Variants in MTBP observed in about 807,000 individuals in gnomAD.
The protein encoded by MTBP is MDM2 binding protein.
MTBP carries 101 observed loss-of-function variants against 117.0 expected under a neutral mutation model. That is an observed-to-expected ratio of 0.86 (90% confidence interval 0.73 to 1.02). MTBP has a LOEUF of 1.02. MTBP is among the 50% of genes least tolerant of loss of function. MTBP has a pLI of 0.00. For synonymous variants in MTBP, 350 were observed against 351.5 expected (o/e 1.00, Z 0.05); for missense variants, 970 against 1,030.9 (o/e 0.94, Z 0.81).
chr8:120,461,685 A>ACAC (rs994816487), intron 9 of MTBP, among the ~76,000 whole-genome samples: 3 of 152,128 alleles, frequency 2.0e-5, no homozygotes, highest in African/African-American at 7.2e-5. Flanking sequence ...CACTGCCCAG[A>ACAC]CACCACCACG....
At chr8:120,449,649 A>G (rs1235701615) in intron 2 of MTBP, among the ~76,000 whole-genome samples, 1 of 152,182 alleles carries the variant, frequency 6.6e-6, no homozygotes, top group African/African-American at 2.4e-5. Flanking sequence ...GAAAGCCTCA[A>G]ACTGAATCCC....
intron 12 of MTBP, among the ~76,000 whole-genome samples, chr8:120,489,724 T>C (rs1814303270): frequency 6.6e-6 from 1 of 152,180 alleles, no homozygotes; most frequent in South Asian, 2.1e-4. Context: ...TAGGATCTGT[T>C]GTGAGCCAGG....
chr8:120,456,324 A>G (rs1449836812), intron 6 of MTBP, among the ~76,000 whole-genome samples: 1 of 152,170 alleles, frequency 6.6e-6, no homozygotes, highest in Non-Finnish European at 1.5e-5. Flanking sequence ...CTATTTCTTC[A>G]TCCTTAGTAC....
intron 8 of MTBP, among the ~76,000 whole-genome samples, chr8:120,460,292 T>C (rs1813556297): frequency 6.6e-6 from 1 of 152,174 alleles, no homozygotes; most frequent in Non-Finnish European, 1.5e-5. Context: ...TGTCCAAATT[T>C]TTGCTACTGT....
intron 10 of MTBP, among the ~76,000 whole-genome samples, chr8:120,465,889 T>G (rs1813678094): frequency 6.6e-6 from 1 of 152,080 alleles, no homozygotes; most frequent in Non-Finnish European, 1.5e-5. Context: ...AGGTGTAACA[T>G]AAGCATTAGT....
intron 2 of MTBP, among the ~76,000 whole-genome samples, chr8:120,449,505 A>G (rs1813293875): frequency 6.6e-6 from 1 of 152,220 alleles, no homozygotes; most frequent in Non-Finnish European, 1.5e-5. Flanking sequence ...TGGAGATATT[A>G]GGTTGGTGCA....
chr8:120,448,436 T>C (rs1052448857), intron 2 of MTBP, among the ~76,000 whole-genome samples: 1 of 152,218 alleles, frequency 6.6e-6, no homozygotes, highest in African/African-American at 2.4e-5. Flanking sequence ...ATCTCTCTCT[T>C]TTTAAAAAAT....
intron 11 of MTBP, among the ~76,000 whole-genome samples, chr8:120,477,479 G>T (rs936158918): frequency 4.6e-5 from 7 of 152,110 alleles, no homozygotes; most frequent in African/African-American, 1.7e-4. Context: ...TACAGAATGG[G>T]AGAAAATTTT....
At chr8:120,510,949 T>C (rs1226846485) in intron 17 of MTBP, among the ~76,000 whole-genome samples, 1 of 152,008 alleles carries the variant, frequency 6.6e-6, no homozygotes, top group Non-Finnish European at 1.5e-5. Context: ...ACTTTGAAAT[T>C]AGCAGTATGA....
chr8:120,489,399 C>T (rs1379432644), intron 12 of MTBP, among the ~76,000 whole-genome samples: 1 of 152,144 alleles, frequency 6.6e-6, no homozygotes, highest in Non-Finnish European at 1.5e-5. Flanking sequence ...ACAAGGCTTT[C>T]TGTTTCCTAG....
intron 7 of MTBP, 112 bp downstream of exon 7, chr8:120,456,782 A>G (rs1156701940): frequency 1.5e-6 from 1 of 683,996 alleles, no homozygotes; most frequent in Non-Finnish European, 2.6e-6. Flanking sequence ...CTAGAATAGC[A>G]CTAAGTAGAA....
intron 11 of MTBP, among the ~76,000 whole-genome samples, chr8:120,479,843 C>A (rs1182968690): frequency 6.6e-6 from 1 of 152,046 alleles, no homozygotes; most frequent in Non-Finnish European, 1.5e-5. Flanking sequence ...TAAAGCAGTA[C>A]TAAGAATATC....
At chr8:120,457,673 T>C (rs992920637) in intron 7 of MTBP, among the ~76,000 whole-genome samples, 1 of 152,024 alleles carries the variant, frequency 6.6e-6, no homozygotes, top group African/African-American at 2.4e-5. Context: ...GCCTATAATC[T>C]CAGCACTTTG....
intron 18 of MTBP, among the ~76,000 whole-genome samples, chr8:120,517,547 GCTTA>G (rs1814939268): frequency 6.6e-6 from 1 of 151,814 alleles, no homozygotes; most frequent in South Asian, 2.1e-4. Flanking sequence ...GATGTTTATT[GCTTA>G]CTTAAGGCAG....
At chr8:120,476,849 T>G (rs1332411146) in intron 11 of MTBP, among the ~76,000 whole-genome samples, 8 of 152,204 alleles carry the variant, frequency 5.3e-5, no homozygotes, top group Admixed American at 5.2e-4. Flanking sequence ...ATAGATGGAA[T>G]GCTATCCCCA....
intron 10 of MTBP, among the ~76,000 whole-genome samples, chr8:120,466,482 C>T (rs1360007338): frequency 1.3e-5 from 2 of 151,506 alleles, no homozygotes; most frequent in Non-Finnish European, 2.9e-5. Context: ...TCCCAAAGTG[C>T]TGGCTTTACA....
rs139147990 is a variant in MTBP, at chr8:120,497,447, G to C, written c.1502G>C (p.Ser501Thr). ...ACAGTTTCTGTTGCTGAACTCAAAAGTCTGTTAGTACTCACAAGGAAACAC... is the reference window on the plus strand; with the variant it reads ...ACAGTTTCTGTTGCTGAACTCAAAACTCTGTTAGTACTCACAAGGAAACAC... ...PETVSVAELK[S>T]LLVLTRKHFL... The change falls in exon 14 of 22, where the codon AGT (serine) becomes ACT (threonine). Residue 501 changes from serine (S) to threonine (T), a missense_variant. Coordinates refer to ENST00000305949, the MANE Select transcript of MTBP (RefSeq NM_022045.5). The C allele has an allele frequency of 8.1e-4, 1,297 of 1,608,318 alleles. 4 individuals carry two copies. The highest frequency in any genetic ancestry group is 9.9e-4 in the Middle Eastern group (6 of 6,046).
chr8:120,477,523 C>T (rs1344220563), intron 11 of MTBP, among the ~76,000 whole-genome samples: 1 of 152,110 alleles, frequency 6.6e-6, no homozygotes, highest in African/African-American at 2.4e-5. Flanking sequence ...GGCTAATATC[C>T]AGAATCTACA....
At chr8:120,495,134 T>C (rs1428898456) in intron 13 of MTBP, among the ~76,000 whole-genome samples, 1 of 152,178 alleles carries the variant, frequency 6.6e-6, no homozygotes, top group Non-Finnish European at 1.5e-5. Context: ...CAGTCACTTT[T>C]TGAACAAAAG....
Sources: gnomAD v4.1 joint callset for allele counts (sites outside exome capture counted in the v4.1 genomes callset) on GRCh38, gnomAD v4.1.1 for gene constraint, MANE v1.5 for transcripts, NCBI Gene and HGNC (gene_info 2026-07-23, HGNC 2026-07-21) for gene names.